PIK3R5: variants seen among roughly 807,000 people sequenced by gnomAD.
The protein encoded by PIK3R5 is phosphoinositide 3-kinase regulatory subunit 5.
In PIK3R5, 32 loss-of-function variants were observed where a neutral mutation model predicts 94.9. That is an observed-to-expected ratio of 0.34 (90% CI 0.25 to 0.45). The LOEUF (loss-of-function observed/expected upper bound fraction) is 0.45, where lower values mean the gene tolerates loss of function less well. Ranked by LOEUF, PIK3R5 falls within the 20% of genes least tolerant of loss-of-function variation. The probability of loss-of-function intolerance (pLI) is 1.00; values close to 1 mark genes in which losing one functional copy is unlikely to be tolerated. For missense variants in PIK3R5, 853 were observed against 1,144.6 expected (o/e 0.75, Z 3.68); for synonymous variants, 443 against 479.4 (o/e 0.92, Z 0.99).
At chr17:8,927,332 G>A (rs900310758) in intron 1 of PIK3R5, among the ~76,000 whole-genome samples, 4 of 152,176 alleles carry the variant, frequency 2.6e-5, no homozygotes, top group African/African-American at 4.8e-5. Context: ...CCAGTTAATC[G>A]GCTTAGACTT....
rs1423321102 is a variant in PIK3R5, at chr17:8,889,533, A to G, written c.812-311T>C. 6.6e-6 allele frequency among the ~76,000 whole-genome samples: 1 copy of G among 152,130 alleles called. No individual in the cohort carries two copies. The highest frequency in any genetic ancestry group is 1.5e-5 in the Non-Finnish European group (1 of 68,016). On this transcript the variant is annotated intron_variant, in intron 8 of 18. Transcript: ENST00000447110. This position sits in a 1 kb window ranked among gnomAD's most constrained non-coding sequence, Gnocchi z 4.1. ...AGTACTAGCCCAGAAGGTTTTTATGAGGAATATTGTAACAGGGAATGCTAA... is the reference window on the plus strand; with the variant it reads ...AGTACTAGCCCAGAAGGTTTTTATGGGGAATATTGTAACAGGGAATGCTAA...
At chr17:8,952,329 T>C (rs147772591) in intron 1 of PIK3R5, among the ~76,000 whole-genome samples, 14 of 152,368 alleles carry the variant, frequency 9.2e-5, no homozygotes, top group Non-Finnish European at 1.9e-4. Context: ...GTTTTTCTGT[T>C]ACTATGCCAT....
rs2091261912 is a variant in PIK3R5, at chr17:8,945,851, T to C, written c.-14+19745A>G. Reference sequence around the variant, plus strand: ...TCCAAGGCTAGGTCACTAAAGACCATGCAGCTACTGTCTTGTTTGCCAGAA... The same window carrying C: ...TCCAAGGCTAGGTCACTAAAGACCACGCAGCTACTGTCTTGTTTGCCAGAA... On this transcript the variant is annotated intron_variant, in intron 1 of 18. Transcript: ENST00000447110. The surrounding 1 kb of genome is among the most constrained non-coding windows in gnomAD (Gnocchi z 4.0). Among the ~76,000 whole-genome samples the C allele has an allele frequency of 6.6e-6, 1 of 152,200 alleles. No homozygotes were observed. Among genetic ancestry groups the C allele is most frequent in the South Asian group, 2.1e-4 (1 of 4,830 alleles).
chr17:8,910,039 C>T (rs2090489575), intron 2 of PIK3R5, among the ~76,000 whole-genome samples: 1 of 152,234 alleles, frequency 6.6e-6, no homozygotes, highest in South Asian at 2.1e-4. Context: ...TCTGTAACTT[C>T]CCCAGACTTT....
At chr17:8,891,851 G>A (rs1331972737) in intron 6 of PIK3R5, among the ~76,000 whole-genome samples, 5 of 151,616 alleles carry the variant, frequency 3.3e-5, no homozygotes, top group African/African-American at 9.7e-5. Flanking sequence ...TGATCCACCC[G>A]CGTCGGCCTC....
In PIK3R5 at chr17:8,926,751, A is replaced by G. The variant is rs184147129; in HGVS notation, c.-13-15244T>C. 1.8e-4 allele frequency among the ~76,000 whole-genome samples: 27 copies of G among 152,326 alleles called. No homozygotes were observed. In the East Asian group the frequency reaches 5.2e-3, roughly 29 times the overall value. ...TTGGAGATGAGATTTGGGTGGGGAC[A>G]CGGAGCCAAACCATGTCACTACCCA... On this transcript the variant is annotated intron_variant, in intron 1 of 18. Transcript: ENST00000447110.
At chr17:8,959,688 C>A (rs1236310028) in intron 1 of PIK3R5, among the ~76,000 whole-genome samples, 1 of 152,184 alleles carries the variant, frequency 6.6e-6, no homozygotes, top group Non-Finnish European at 1.5e-5. Flanking sequence ...CATGCAGGAA[C>A]AAATGCTCAG....
rs1022257261 is a variant in PIK3R5 at position 8,894,007 on chromosome 17, G to C, written c.413-352C>G. The C allele has an allele frequency of 4.2e-5, 8 of 190,420 alleles. No homozygotes were observed. The South Asian group carries it at 6.0e-4, about 14-fold the overall frequency. 11.8% of individuals were successfully genotyped at this position (190,420 alleles called of 1,614,324 possible). On this transcript the variant is annotated intron_variant, in intron 5 of 18. Transcript: ENST00000447110. Reference sequence around the variant, plus strand: ...CGGCTCCAGGCTTGGAGGCAGCCTAGCTGGAGAGAAAGAGATCCAGGGTGA... The same window carrying C: ...CGGCTCCAGGCTTGGAGGCAGCCTACCTGGAGAGAAAGAGATCCAGGGTGA...
intron 1 of PIK3R5, among the ~76,000 whole-genome samples, chr17:8,959,268 C>T (rs1387108931): frequency 1.3e-5 from 2 of 152,310 alleles, no homozygotes; most frequent in East Asian, 3.9e-4. Context: ...CAGCTTCCTC[C>T]CACAGGGAGC....
At chr17:8,939,389 AC>A (rs1295591445) in intron 1 of PIK3R5, among the ~76,000 whole-genome samples, 1 of 152,196 alleles carries the variant, frequency 6.6e-6, no homozygotes, top group African/African-American at 2.4e-5. Flanking sequence ...AATAAAATAC[AC>A]AGAATTGCAA....
intron 1 of PIK3R5, among the ~76,000 whole-genome samples, chr17:8,913,234 G>C (rs954484172): frequency 1.3e-5 from 2 of 152,216 alleles, no homozygotes; most frequent in African/African-American, 4.8e-5. Flanking sequence ...GGCAAATGAG[G>C]GGGAAGAGTA....
At chr17:8,949,351 G>GACGAGA in intron 1 of PIK3R5, among the ~76,000 whole-genome samples, 1 of 152,166 alleles carries the variant, frequency 6.6e-6, no homozygotes, top group Admixed American at 6.5e-5. Context: ...GAAAGGGTCC[G>GACGAGA]ATATTGAAAC....
intron 1 of PIK3R5, among the ~76,000 whole-genome samples, chr17:8,962,591 C>G (rs1191141814): frequency 6.6e-6 from 1 of 152,174 alleles, no homozygotes; most frequent in Non-Finnish European, 1.5e-5. Context: ...AAAAAGTGCA[C>G]TGTATTTAAT....
In PIK3R5 at chr17:8,888,044, TA is replaced by T; in HGVS notation, c.1616+126del. The T allele has an allele frequency of 3.5e-6, 1 of 282,354 alleles. No homozygotes were observed. The highest frequency in any genetic ancestry group is 6.3e-6 in the Non-Finnish European group (1 of 159,742). 17.5% of individuals were successfully genotyped at this position (282,354 alleles called of 1,614,324 possible). Reference sequence around the variant, plus strand: ...ATAATAATAATAATAATAATAATAATAATAAAATAAAAATAAATAAGGGAAC... The same window carrying T: ...ATAATAATAATAATAATAATAATAATATAAAATAAAAATAAATAAGGGAAC... On this transcript the variant is annotated intron_variant, in intron 10 of 18. Transcript: ENST00000447110. The surrounding 1 kb of genome is among the most constrained non-coding windows in gnomAD (Gnocchi z 7.8).
Position 8,887,154 on chromosome 17 carries a change from G to C in PIK3R5, c.1847C>G (p.Pro616Arg). 1 of 1,613,998 alleles carries C rather than the reference G, an allele frequency of 6.2e-7. No individual in the cohort carries two copies. Among genetic ancestry groups the C allele is most frequent in the Non-Finnish European group, 8.5e-7 (1 of 1,180,012 alleles). The change falls in exon 12 of 19, where the codon CCC becomes CGC. Residue 616 changes from proline to arginine, a missense_variant. Physicochemically the swap from Pro to Arg is moderately radical, Grantham distance 103. Coordinates refer to ENST00000447110, the MANE Select transcript of PIK3R5 (RefSeq NM_001142633.3). Reference sequence around the variant, plus strand: ...GCCCAGTACATTGCGCTCATACCAGGGGTCCAGCATGCCGAGGTAGTGGGA... The same window carrying C: ...GCCCAGTACATTGCGCTCATACCAGCGGTCCAGCATGCCGAGGTAGTGGGA... ...DISHYLGMLDPWYERNVLGLM... is the reference protein window; with the variant it reads ...DISHYLGMLDRWYERNVLGLM...
At position 8,939,475 on chromosome 17, in the gene PIK3R5, T is replaced by C. The variant is rs75117141; in HGVS notation, c.-14+26121A>G. On this transcript the variant is annotated intron_variant, in intron 1 of 18. Transcript: ENST00000447110. Reference sequence around the variant, plus strand: ...CAGATTTATGAAATGGGAGTATACGTTCTTCTCATTAACACATGAAATAAT... The same window carrying C: ...CAGATTTATGAAATGGGAGTATACGCTCTTCTCATTAACACATGAAATAAT... Among the ~76,000 whole-genome samples the C allele has an allele frequency of 4.6e-3, 694 of 152,334 alleles. 8 individuals are homozygous for C. Among genetic ancestry groups the C allele is most frequent in the African/African-American group, 0.016 (658 of 41,570 alleles).
rs1199049388 is a variant in PIK3R5, at chr17:8,935,125, C to G, written c.-13-23618G>C. On this transcript the variant is annotated intron_variant, in intron 1 of 18. Coordinates refer to ENST00000447110, the MANE Select transcript of PIK3R5 (RefSeq NM_001142633.3). The surrounding 1 kb of genome is among the most constrained non-coding windows in gnomAD (Gnocchi z 4.5). ...CCAGGCTTGGCTGGATGTCCACCCC[C>G]ACCCTTTCAGCTCCCAGAGCATCTC... 6.6e-6 allele frequency among the ~76,000 whole-genome samples: 1 copy of G among 152,172 alleles called. No homozygotes were observed. Among genetic ancestry groups the G allele is most frequent in the African/African-American group, 2.4e-5 (1 of 41,444 alleles).
At position 8,911,453 on chromosome 17, in the gene PIK3R5, C is replaced by G. The variant is rs772331155; in HGVS notation, c.42G>C (p.Gln14His). 2.5e-6 allele frequency: 4 copies of G among 1,599,994 alleles called. No homozygotes were observed. In the South Asian group the frequency reaches 4.4e-5, roughly 18 times the overall value. Residue 14 changes from glutamine (Q) to histidine (H), a missense_variant, in exon 2 of 19, where the codon CAG (glutamine) becomes CAC (histidine). Physicochemically the swap from Gln to His is conservative, Grantham distance 24. This residue lies in a region of PIK3R5 where 108 missense variants were observed against 170.1 expected (regional missense o/e 0.63). Coordinates refer to ENST00000447110, the MANE Select transcript of PIK3R5 (RefSeq NM_001142633.3). The surrounding 1 kb of genome is among the most constrained non-coding windows in gnomAD (Gnocchi z 5.3). ...CATGCAGGCAGCGTTCCAGGGCATG[C>G]TGGATGCGGTCCTCCGTGCATGTCG... ...GATTCTEDRI[Q>H]HALERCLHGL...
At chr17:8,929,079 AG>A (rs945054043) in intron 1 of PIK3R5, among the ~76,000 whole-genome samples, 1 of 152,240 alleles carries the variant, frequency 6.6e-6, no homozygotes, top group Non-Finnish European at 1.5e-5. Context: ...CCATTCAAAA[AG>A]CTATACAAAT....
Sources: allele counts gnomAD v4.1 joint callset (sites outside exome capture counted in the v4.1 genomes callset), GRCh38; gene constraint gnomAD v4.1.1; regional missense constraint gnomAD v4.1.1; non-coding constraint Gnocchi (gnomAD v3.1); transcripts MANE v1.5; gene names NCBI Gene and HGNC (gene_info 2026-07-23, HGNC 2026-07-21).